HDGFL3: variants seen among roughly 807,000 people sequenced by gnomAD.
HDGFL3 encodes the protein hepatoma-derived growth factor-related protein 3.
In HDGFL3, 6 loss-of-function variants were observed where a neutral mutation model predicts 27.6. The ratio of observed to expected loss-of-function variants is 0.22; its 90% CI spans 0.12 to 0.43. HDGFL3 has a LOEUF of 0.43. HDGFL3 is among the 20% of genes least tolerant of loss of function. The pLI is 1.00. For synonymous variants in HDGFL3, 88 were observed against 88.9 expected (o/e 0.99, Z 0.05); for missense variants, 207 against 250.1 (o/e 0.83, Z 1.16).
intron 1 of HDGFL3, among the ~76,000 whole-genome samples, chr15:83,194,197 A>G (rs2037544157): frequency 1.3e-5 from 2 of 152,224 alleles, no homozygotes; most frequent in South Asian, 4.1e-4. Context: ...AATAAACAAA[A>G]TGTTTTACAT....
At chr15:83,148,251 A>G (rs1417822247) in intron 5 of HDGFL3, among the ~76,000 whole-genome samples, 2 of 152,216 alleles carry the variant, frequency 1.3e-5, no homozygotes, top group Non-Finnish European at 2.9e-5. Context: ...TTCTAGTTAC[A>G]TATCCTAAAT....
exon 4 of HDGFL3, chr15:83,112,853 C>T: frequency 6.2e-7 from 1 of 1,614,140 alleles, no homozygotes; most frequent in South Asian, 1.1e-5. Flanking sequence ...GCACTGCTGG[C>T]TCGTGTCCTC....
At chr15:83,195,632 A>G (rs1313198267) in intron 1 of HDGFL3, among the ~76,000 whole-genome samples, 1 of 152,128 alleles carries the variant, frequency 6.6e-6, no homozygotes, top group East Asian at 1.9e-4. Flanking sequence ...GTAGAACATT[A>G]ATGTTACCCA....
chr15:83,117,959 C>T (rs897319918), intron 3 of HDGFL3, among the ~76,000 whole-genome samples: 1 of 151,962 alleles, frequency 6.6e-6, no homozygotes, highest in South Asian at 2.1e-4. Flanking sequence ...GGGGTGACAT[C>T]GTAGCAATAA....
chr15:83,179,962 T>G (rs1480884889), intron 1 of HDGFL3: 2 of 152,112 alleles, frequency 1.3e-5, no homozygotes, highest in Non-Finnish European at 1.5e-5. Flanking sequence ...AGGGAGAAAG[T>G]AAGGAGTGAA....
rs567650359 is a variant in HDGFL3 at position 83,197,541 on chromosome 15, C to T, written c.84+9790G>A. On this transcript the variant is annotated intron_variant, in intron 1 of 5. Transcript: ENST00000299633. The stretch of plus-strand genomic sequence containing the variant: ...ACAAAACCATTAGAAACATGTTAAT[C>T]GCAAAAACTTTACATCCACTTTAAA... Among the ~76,000 whole-genome samples, 43 of 152,190 alleles carry T rather than the reference C, an allele frequency of 2.8e-4. 2 individuals are homozygous for T. The South Asian group carries it at 8.1e-3, about 29-fold the overall frequency.
chr15:83,160,734 C>T (rs188322455), intron 2 of HDGFL3, among the ~76,000 whole-genome samples: 46 of 152,190 alleles, frequency 3.0e-4, no homozygotes, highest in East Asian at 1.7e-3. Context: ...AGCTTTCAGA[C>T]GAGAGGTTAA....
At chr15:83,139,480 G>A (rs1418585551) in intron 5 of HDGFL3, among the ~76,000 whole-genome samples, 1 of 152,128 alleles carries the variant, frequency 6.6e-6, no homozygotes, top group African/African-American at 2.4e-5. Flanking sequence ...GGAAATCCTA[G>A]GGTATTTTTA....
intron 1 of HDGFL3, among the ~76,000 whole-genome samples, chr15:83,173,319 A>G (rs1457091585): frequency 6.6e-6 from 1 of 152,246 alleles, no homozygotes; most frequent in Non-Finnish European, 1.5e-5. Context: ...ATTATAAAAT[A>G]GGCTTTGTGT....
rs1158498088 is a variant in HDGFL3, at chr15:83,132,462, G to A, written c.*6808C>T. Reference sequence around the variant, plus strand: ...CTGCCCTCAGACTCTCTAACTCCCTGGCTATGTAGGTGCTATGTCATGTCT... The same window carrying A: ...CTGCCCTCAGACTCTCTAACTCCCTAGCTATGTAGGTGCTATGTCATGTCT... On this transcript the variant is annotated 3_prime_UTR_variant, in exon 6 of 6. Transcript: ENST00000299633. 6.6e-6 allele frequency: 1 copy of A among 152,146 alleles called. No individual in the cohort carries two copies. Among genetic ancestry groups the A allele is most frequent in the African/African-American group, 2.4e-5 (1 of 41,416 alleles). The allele number at this position is 152,146 out of a possible 1,614,324, so 9.4% of individuals were successfully genotyped here.
chr15:83,142,820 G>C (rs2036804647), intron 5 of HDGFL3, among the ~76,000 whole-genome samples: 1 of 151,892 alleles, frequency 6.6e-6, no homozygotes, highest in Non-Finnish European at 1.5e-5. Context: ...TATCAAATCA[G>C]ACATTAAAAA....
intron 1 of HDGFL3, among the ~76,000 whole-genome samples, chr15:83,168,775 C>A (rs1440574047): frequency 6.6e-6 from 1 of 152,078 alleles, no homozygotes; most frequent in African/African-American, 2.4e-5. Flanking sequence ...ACTCATTGTA[C>A]AAAGCCAGCA....
intron 1 of HDGFL3, among the ~76,000 whole-genome samples, chr15:83,204,492 A>G (rs962148033): frequency 6.6e-6 from 1 of 152,214 alleles, no homozygotes; most frequent in Admixed American, 6.5e-5. Context: ...GAACAGATGC[A>G]TGAAAGAGCA....
At position 83,207,459 on chromosome 15, in the gene HDGFL3, G is replaced by T. The variant is rs779537207; in HGVS notation, c.-45C>A. On this transcript the variant is annotated 5_prime_UTR_variant, in exon 1 of 6. Transcript: ENST00000299633. The surrounding 1 kb of genome is among the most constrained non-coding windows in gnomAD (Gnocchi z 4.8). ...GGTAGTCCTTGGTCGCCGCGAAGAT[G>T]CCGGGAGGCCGCCCCCCCGCGGGCC... 25 of 1,242,548 alleles carry T rather than the reference G, an allele frequency of 2.0e-5. 2 individuals carry two copies. In the South Asian group the frequency reaches 8.0e-4, roughly 40 times the overall value. 77.0% of individuals were successfully genotyped at this position (1,242,548 alleles called of 1,614,324 possible). A position where few individuals can be genotyped will look rare whatever the true frequency, so the allele number is the denominator to read the frequency against.
chr15:83,202,675 A>G (rs545498444), intron 1 of HDGFL3, among the ~76,000 whole-genome samples: 61 of 152,160 alleles, frequency 4.0e-4, no homozygotes, highest in Non-Finnish European at 7.2e-4. Context: ...ACTTTCATAC[A>G]GTATAGTGCA....
chr15:83,167,353 C>T (rs921131780), intron 1 of HDGFL3, among the ~76,000 whole-genome samples: 7 of 152,100 alleles, frequency 4.6e-5, no homozygotes, highest in East Asian at 1.9e-4. Flanking sequence ...GTCAGGAGAT[C>T]GAAGCCAGCC....
chr15:83,143,885 T>C (rs2036835518), intron 5 of HDGFL3, among the ~76,000 whole-genome samples: 1 of 152,212 alleles, frequency 6.6e-6, no homozygotes, highest in Admixed American at 6.5e-5. Flanking sequence ...TCCAGTTGTG[T>C]GGTAGCCTTG....
At chr15:83,121,904 T>G (rs1231752285) in intron 3 of HDGFL3, 57 of 1,577,420 alleles carry the variant, frequency 3.6e-5, no homozygotes, top group Non-Finnish European at 4.9e-5. Context: ...AAGATTTTTT[T>G]GTTGTTGTTG....
chr15:83,115,883 A>C (rs1030442852), intron 3 of HDGFL3: 5 of 1,614,084 alleles, frequency 3.1e-6, no homozygotes, highest in Non-Finnish European at 4.2e-6. Flanking sequence ...GGTGAACCTC[A>C]TCATAGGACT....
Sources: allele counts gnomAD v4.1 joint callset (sites outside exome capture counted in the v4.1 genomes callset), GRCh38; gene constraint gnomAD v4.1.1; non-coding constraint Gnocchi (gnomAD v3.1); transcripts MANE v1.5; gene names NCBI Gene and HGNC (gene_info 2026-07-23, HGNC 2026-07-21).